Variants in TNK2 observed in about 807,000 individuals in gnomAD.
TNK2 encodes tyrosine kinase non receptor 2.
Under a neutral mutation model 101.8 loss-of-function variants are expected in TNK2, and 83 were observed. That is an observed-to-expected ratio of 0.82 (90% confidence interval 0.68 to 0.98). TNK2 has a LOEUF of 0.98. Among genes scored for constraint, TNK2 ranks in the 50% least tolerant of loss-of-function variants. TNK2 has a pLI of 0.00. For synonymous variants in TNK2, 804 were observed against 633.0 expected (o/e 1.27, Z -4.06); for missense variants, 1,665 against 1,483.2 (o/e 1.12, Z -2.01).
Position 195,867,831 on chromosome 3 carries a change from A to G in TNK2, c.2467T>C (p.Ser823Pro). ...GGCATGGTCTTCCCAGGTGAGCTTG[A>G]GAGCCGGGGTGGCAGCGGGGAGCTG... ...PGSSPLPPRL[S>P]SSPGKTMPTT... Residue 823 changes from serine (S) to proline (P), a missense_variant, in exon 13 of 16, where the codon TCA (serine) becomes CCA (proline). Ser to Pro is a moderately conservative substitution (Grantham distance 74). Transcript: ENST00000672887. The G allele has an allele frequency of 6.5e-7, 1 of 1,539,020 alleles. No homozygotes were observed. The highest frequency in any genetic ancestry group is 8.7e-7 in the Non-Finnish European group (1 of 1,147,336).
chr3:195,871,575 TCTC>T (rs1241200277), intron 10 of TNK2, among the ~76,000 whole-genome samples: 3 of 151,962 alleles, frequency 2.0e-5, no homozygotes, highest in East Asian at 1.9e-4. Flanking sequence ...TGGGAGAAGC[TCTC>T]CTCCTCAGCA....
At chr3:195,864,554 G>C (rs961331450) in intron 15 of TNK2, among the ~76,000 whole-genome samples, 2 of 146,656 alleles carry the variant, frequency 1.4e-5, no homozygotes, top group African/African-American at 5.1e-5. Context: ...GTGACACGGA[G>C]TGCCTGCATC....
intron 1 of TNK2, chr3:195,896,082 G>A (rs1279786512): frequency 6.6e-6 from 3 of 455,672 alleles, no homozygotes; most frequent in South Asian, 1.5e-5. Context: ...TGACACGAGG[G>A]CCCGGACTCC....
At position 195,879,057 on chromosome 3, in the gene TNK2, C is replaced by T. The variant is rs1410021195; in HGVS notation, c.1006G>A (p.Gly336Ser). ...CGTCTCCCAGCCCTCACCTGACTGC[C>T]GTTGAGGCCGATCCAGGGCTCCTGG... ...YGQEPWIGLN[G>S]SQILHKIDKE... is the part of the protein sequence containing the mutation. The change falls in exon 7 of 16, where the codon GGC (glycine) becomes AGC (serine). Residue 336 changes from glycine (G) to serine (S), a missense_variant. Gly to Ser is a moderately conservative substitution (Grantham distance 56, BLOSUM62 0). Coordinates refer to ENST00000672887, the MANE Select transcript of TNK2 (RefSeq NM_001382273.1). The T allele has an allele frequency of 5.6e-6, 9 of 1,613,362 alleles. No homozygotes were observed. Among genetic ancestry groups the T allele is most frequent in the South Asian group, 5.5e-5 (5 of 91,082 alleles).
chr3:195,891,330 C>T (rs1341486429), intron 1 of TNK2, among the ~76,000 whole-genome samples: 5 of 152,194 alleles, frequency 3.3e-5, no homozygotes, highest in African/African-American at 7.2e-5. Context: ...CACTTGAACC[C>T]GGGAGGCGGA....
At chr3:195,891,712 G>A (rs777937933) in intron 1 of TNK2, among the ~76,000 whole-genome samples, 39 of 152,224 alleles carry the variant, frequency 2.6e-4, no homozygotes, top group Non-Finnish European at 1.8e-4. Context: ...CCCGCAGGGA[G>A]AGCAGTCTCC....
chr3:195,901,520 C>T (rs1761207191), intron 1 of TNK2, among the ~76,000 whole-genome samples: 1 of 152,094 alleles, frequency 6.6e-6, no homozygotes, highest in Non-Finnish European at 1.5e-5. Flanking sequence ...GGAGGTACAG[C>T]TGCTGAGGAG....
rs1757189599 is a variant in TNK2, at chr3:195,888,747, C to T, written c.-18-141G>A. ...ACCTTCTGACTCCCGAGGGAAGCTA[C>T]CGAGAACCGCCTGGACCCACGTCCC... On this transcript the variant is annotated intron_variant, in intron 1 of 15. Transcript: ENST00000672887. This position sits in a 1 kb window ranked among gnomAD's most constrained non-coding sequence, Gnocchi z 5.3. 2 of 790,052 alleles carry T rather than the reference C, an allele frequency of 2.5e-6. No individual in the cohort carries two copies. Among genetic ancestry groups the T allele is most frequent in the South Asian group, 1.9e-5 (1 of 53,466 alleles). The allele number at this position is 790,052 out of a possible 1,614,324, so 48.9% of individuals were successfully genotyped here.
intron 1 of TNK2, chr3:195,892,425 G>T: frequency 6.5e-7 from 1 of 1,535,146 alleles, no homozygotes; most frequent in South Asian, 1.2e-5. Context: ...TACAGGCGTC[G>T]CCGCAGTCTG....
At chr3:195,905,522 T>G (rs1184661639) in intron 1 of TNK2, among the ~76,000 whole-genome samples, 1 of 151,984 alleles carries the variant, frequency 6.6e-6, no homozygotes, top group Non-Finnish European at 1.5e-5. Flanking sequence ...TGACAAAGAT[T>G]CAAAGGCAAT....
At chr3:195,876,312 C>G (rs981642174) in intron 9 of TNK2, 1 of 423,252 alleles carries the variant, frequency 2.4e-6, no homozygotes, top group African/African-American at 2.0e-5. Flanking sequence ...CAGGTGGCCT[C>G]CCAGACTCCG....
intron 10 of TNK2, 199 bp from the exon 11 acceptor site, chr3:195,870,404 C>T: frequency 2.1e-6 from 3 of 1,441,656 alleles, no homozygotes; most frequent in Non-Finnish European, 2.8e-6. Flanking sequence ...AGAAAGGACA[C>T]CTGACCCCAG....
At chr3:195,867,318 TG>T in intron 13 of TNK2, 42 bp downstream of exon 13, 4 of 1,610,392 alleles carry the variant, frequency 2.5e-6, no homozygotes, top group Non-Finnish European at 3.4e-6. Context: ...CCAGGCCCCT[TG>T]GGCCCTGCCC....
At chr3:195,883,654 G>A (rs550413402) in intron 4 of TNK2, 12 of 212,958 alleles carry the variant, frequency 5.6e-5, no homozygotes, top group Non-Finnish European at 6.9e-5. Flanking sequence ...CGCTCTTGTC[G>A]CCCAGGCTGG....
At chr3:195,872,624 C>A (rs1577018712) in intron 9 of TNK2, 154 bp from the exon 10 acceptor site, 1 of 749,152 alleles carries the variant, frequency 1.3e-6, no homozygotes, top group Non-Finnish European at 2.1e-6. Context: ...CCCAACAGCC[C>A]CCGTGACCCA....
intron 1 of TNK2, among the ~76,000 whole-genome samples, chr3:195,890,093 A>C (rs1384855851): frequency 6.6e-6 from 1 of 152,236 alleles, no homozygotes; most frequent in South Asian, 2.1e-4. Context: ...AAGAGTAACA[A>C]AGGGGAATGA....
Position 195,878,771 on chromosome 3 carries a change from G to A in TNK2, c.1015-179C>T, listed in dbSNP as rs1325378294. Reference sequence around the variant, plus strand: ...GCCCCAGTCCCTTCTTCCCAGGTCTGGAGCCTCGGAACAAGTGGATGTGGC... The same window carrying A: ...GCCCCAGTCCCTTCTTCCCAGGTCTAGAGCCTCGGAACAAGTGGATGTGGC... On this transcript the variant is annotated intron_variant, in intron 7 of 15. Coordinates refer to ENST00000672887, the MANE Select transcript of TNK2 (RefSeq NM_001382273.1). This position sits in a 1 kb window ranked among gnomAD's most constrained non-coding sequence, Gnocchi z 4.7. Among the ~76,000 whole-genome samples the A allele has an allele frequency of 6.6e-6, 1 of 152,232 alleles. No homozygotes were observed. Among genetic ancestry groups the A allele is most frequent in the African/African-American group, 2.4e-5 (1 of 41,454 alleles).
rs1438110863 is a variant in TNK2, at chr3:195,868,073, G to A, written c.2225C>T (p.Pro742Leu). Residue 742 changes from proline (P) to leucine (L), a missense_variant, in exon 13 of 16, where the codon CCC (proline) becomes CTC (leucine). Pro to Leu is a moderately conservative substitution (Grantham distance 98). Transcript: ENST00000672887. ...QLQAPAGSPA[P>L]SPSPGGDDKP... is the part of the protein sequence containing the mutation. ...GTCGTCACCCCCCGGGCTGGGAGAGGGGGCCGGGGAGCCGGCCGGAGCCTG... is the reference window on the plus strand; with the variant it reads ...GTCGTCACCCCCCGGGCTGGGAGAGAGGGCCGGGGAGCCGGCCGGAGCCTG... The A allele has an allele frequency of 3.1e-6, 5 of 1,607,954 alleles. No homozygotes were observed. Among genetic ancestry groups the A allele is most frequent in the East Asian group, 2.2e-5 (1 of 44,718 alleles).
At chr3:195,874,577 G>C (rs11714769) in intron 9 of TNK2, among the ~76,000 whole-genome samples, 1 of 92,650 alleles carries the variant, frequency 1.1e-5, no homozygotes, top group Non-Finnish European at 2.1e-5. Context: ...GGCACAAGAA[G>C]CTCCCCCTCG....
Sources: allele counts gnomAD v4.1 joint callset (sites outside exome capture counted in the v4.1 genomes callset), GRCh38; gene constraint gnomAD v4.1.1; non-coding constraint Gnocchi (gnomAD v3.1); transcripts MANE v1.5; gene names NCBI Gene and HGNC (gene_info 2026-07-23, HGNC 2026-07-21).